ANO4: variants seen among roughly 807,000 people sequenced by gnomAD.
ANO4 encodes anoctamin-4.
In ANO4, 69 loss-of-function variants were observed where a neutral mutation model predicts 141.9. The ratio of observed to expected loss-of-function variants is 0.49; its 90% CI spans 0.40 to 0.59. ANO4 has a LOEUF of 0.59. Ranked by LOEUF, ANO4 falls within the 20% of genes least tolerant of loss-of-function variation. ANO4 has a pLI of 0.00. For missense variants in ANO4, 894 were observed against 1,162.2 expected, an observed-to-expected ratio of 0.77 and a Z score of 3.36; for synonymous variants, 350 against 394.3, an observed-to-expected ratio of 0.89 and a Z score of 1.33.
At position 101,066,831 on chromosome 12, in the gene ANO4, T is replaced by C. The variant is rs568348705; in HGVS notation, c.1313-12362T>C. ...CTGAATGTTGATCCCTCACTTCAGA[T>C]TGACATACCTGATGCGCTCAGTGAG... is the stretch of plus-strand genomic sequence containing the variant. On this transcript the variant is annotated intron_variant, in intron 14 of 27. Coordinates refer to ENST00000392977, the MANE Select transcript of ANO4 (RefSeq NM_001286615.2). 1.4e-4 allele frequency: 200 copies of C among 1,407,134 alleles called. 2 individuals are homozygous for C. In the South Asian group the frequency reaches 2.3e-3, roughly 16 times the overall value. The allele number at this position is 1,407,134 out of a possible 1,614,324, so 87.2% of individuals were successfully genotyped here.
intron 22 of ANO4, among the ~76,000 whole-genome samples, chr12:101,106,573 G>GTATATATATATATATATA (rs56808655): frequency 7.2e-6 from 1 of 138,604 alleles, no homozygotes; most frequent in African/African-American, 2.6e-5. Context: ...GTGTGTGTGT[G>GTATATATATATATATATA]TATATATATA....
chr12:100,850,960 A>G (rs962073022), intron 1 of ANO4, among the ~76,000 whole-genome samples: 3 of 152,172 alleles, frequency 2.0e-5, no homozygotes, highest in East Asian at 1.9e-4. Flanking sequence ...AACATAACAT[A>G]TTTAACCATT....
intron 21 of ANO4, among the ~76,000 whole-genome samples, chr12:101,099,129 G>A (rs1030711250): frequency 6.6e-6 from 1 of 152,172 alleles, no homozygotes; most frequent in Non-Finnish European, 1.5e-5. Flanking sequence ...TGTGCCAAGA[G>A]AGGAAGCATT....
At chr12:100,863,280 G>A (rs919449568) in intron 1 of ANO4, among the ~76,000 whole-genome samples, 1 of 152,162 alleles carries the variant, frequency 6.6e-6, no homozygotes, top group African/African-American at 2.4e-5. Context: ...TTTGAGCAGA[G>A]GGTGCCTTAA....
At chr12:100,823,953 G>C (rs2036194539) in intron 1 of ANO4, among the ~76,000 whole-genome samples, 1 of 152,030 alleles carries the variant, frequency 6.6e-6, no homozygotes, top group Non-Finnish European at 1.5e-5. Flanking sequence ...ACAGTAACCA[G>C]TCAGCCAATA....
intron 24 of ANO4, 69 bp from the exon 25 acceptor site, chr12:101,116,610 G>C (rs1166756686): frequency 6.2e-7 from 1 of 1,607,180 alleles, no homozygotes; most frequent in African/African-American, 1.3e-5. Flanking sequence ...TGGGAAGCAG[G>C]GTCTTCAGGG....
At position 100,971,401 on chromosome 12, in the gene ANO4, T is replaced by G. The variant is rs148065824; in HGVS notation, c.552T>G (p.Pro184=). The G allele has an allele frequency of 1.6e-5, 26 of 1,597,022 alleles. No individual in the cohort carries two copies. The African/African-American group carries it at 3.2e-4, about 20-fold the overall frequency. ...CAGAACAAATGAATGTAAGAATGCC[T>G]TTCAGGTAGGTGGAAATGTATTTTA... ...RYAEQMNVRM[P]FRRKIYYLPR... is the part of the protein sequence containing the mutation. The change falls in exon 6 of 28, where the codon CCT becomes CCG. Residue 184 remains proline (P), a synonymous_variant. Transcript: ENST00000392977.
chr12:101,023,369 T>A (rs919396697), intron 9 of ANO4, among the ~76,000 whole-genome samples: 3 of 152,164 alleles, frequency 2.0e-5, no homozygotes, highest in Non-Finnish European at 4.4e-5. Flanking sequence ...AAGACCTCCA[T>A]GTGTTGAAAA....
At chr12:100,846,941 CCA>C (rs1214903918) in intron 1 of ANO4, among the ~76,000 whole-genome samples, 4 of 44,502 alleles carry the variant, frequency 9.0e-5, no homozygotes, top group African/African-American at 5.2e-4. Context: ...TTCTTTCCTT[CCA>C]CACCCCCCCC....
rs2031500541 is a variant in ANO4, at chr12:100,733,911, G to A, written c.106+54G>A. On this transcript the variant is annotated intron_variant, in intron 2 of 29. Transcript: ENST00000644049. Reference sequence around the variant, plus strand: ...TAAAAAAATATTATTGCCTGGAAAAGCTGGAGGTCAAGGGGGTGGCTGGGG... The same window carrying A: ...TAAAAAAATATTATTGCCTGGAAAAACTGGAGGTCAAGGGGGTGGCTGGGG... The A allele has an allele frequency of 5.9e-6, 4 of 672,768 alleles. No individual in the cohort carries two copies. The South Asian group carries it at 6.3e-5, about 11-fold the overall frequency. The allele number at this position is 672,768 out of a possible 1,614,324, so 41.7% of individuals were successfully genotyped here.
chr12:101,045,517 A>G (rs1429454306), intron 13 of ANO4, among the ~76,000 whole-genome samples: 2 of 152,180 alleles, frequency 1.3e-5, no homozygotes, highest in Non-Finnish European at 2.9e-5. Context: ...TGTCAGAGTG[A>G]TTTCATGGGA....
chr12:101,043,716 C>A, intron 13 of ANO4, 81 bp downstream of exon 13: 2 of 994,056 alleles, frequency 2.0e-6, no homozygotes, highest in East Asian at 2.5e-5. Context: ...TCTATTCTGT[C>A]ATTTCCAGTC....
Position 101,048,347 on chromosome 12 carries a change from C to A in ANO4, c.1258C>A (p.His420Asn). ...CGATTCTTATTATTCACAGGTAACC[C>A]ACCTTTTTGACAATGGAGCCACTGT... ...SDSCVYAKVT[H>N]LFDNGATVFF... The change falls in exon 14 of 28, where the codon CAC (histidine) becomes AAC (asparagine). Residue 420 changes from histidine (H) to asparagine (N), a missense_variant. By Grantham distance (68) the His-to-Asn change is moderately conservative (BLOSUM62 1). Coordinates refer to ENST00000392977, the MANE Select transcript of ANO4 (RefSeq NM_001286615.2). The A allele has an allele frequency of 6.2e-7, 1 of 1,613,632 alleles. No homozygotes were observed. The highest frequency in any genetic ancestry group is 8.5e-7 in the Non-Finnish European group (1 of 1,179,710).
At chr12:101,060,529 T>C (rs370234433) in intron 14 of ANO4, among the ~76,000 whole-genome samples, 1 of 152,296 alleles carries the variant, frequency 6.6e-6, no homozygotes, top group Middle Eastern at 3.4e-3. Flanking sequence ...TTTTTGTAGG[T>C]CTCTAAGAAC....
At chr12:100,756,462 G>C (rs961562166) in intron 3 of ANO4, among the ~76,000 whole-genome samples, 1 of 152,122 alleles carries the variant, frequency 6.6e-6, no homozygotes, top group African/African-American at 2.4e-5. Flanking sequence ...TGATTCTCCT[G>C]CCTCAGCCTC....
At chr12:100,793,498 G>A (rs2034130576), upstream of ANO4, among the ~76,000 whole-genome samples, 1 of 151,956 alleles carries the variant, frequency 6.6e-6, no homozygotes, top group African/African-American at 2.4e-5. Flanking sequence ...AGCAAAATGT[G>A]CAAATGGTAT....
intron 1 of ANO4, among the ~76,000 whole-genome samples, chr12:100,800,724 G>A (rs181513396): frequency 2.5e-4 from 38 of 152,328 alleles, no homozygotes; most frequent in African/African-American, 8.9e-4. Flanking sequence ...GGATAGCACA[G>A]TGTCCATGGA....
chr12:101,040,488 A>G (rs1157355603), intron 11 of ANO4, among the ~76,000 whole-genome samples: 1 of 152,242 alleles, frequency 6.6e-6, no homozygotes, highest in African/African-American at 2.4e-5. Flanking sequence ...TGTCATTCCA[A>G]TACATTTCAG....
chr12:100,874,613 G>A (rs1056583468), intron 1 of ANO4, among the ~76,000 whole-genome samples: 4 of 152,030 alleles, frequency 2.6e-5, no homozygotes, highest in African/African-American at 9.7e-5. Flanking sequence ...TCTACCTCCT[G>A]GGTTCAAGTG....
Sources: gnomAD v4.1 joint callset for allele counts (sites outside exome capture counted in the v4.1 genomes callset) on GRCh38, gnomAD v4.1.1 for gene constraint, MANE v1.5 for transcripts, NCBI Gene and HGNC (gene_info 2026-07-23, HGNC 2026-07-21) for gene names.